Variants in PDGFB observed in about 807,000 individuals in gnomAD.
The protein encoded by PDGFB is platelet derived growth factor subunit B, also known as platelet-derived growth factor subunit B.
In PDGFB, 6 loss-of-function variants were observed where a neutral mutation model predicts 29.0. That is an observed-to-expected ratio of 0.21 (90% CI 0.11 to 0.41). PDGFB has a LOEUF of 0.41. Ranked by LOEUF, PDGFB falls within the 10% of genes least tolerant of loss-of-function variation. The pLI is 1.00. For synonymous variants in PDGFB, 144 were observed against 140.8 expected (o/e 1.02, Z -0.16); for missense variants, 299 against 341.8 (o/e 0.87, Z 0.99).
chr22:39,241,151 G>A (rs938411629), intron 1 of PDGFB: 7 of 539,818 alleles, frequency 1.3e-5, no homozygotes, highest in African/African-American at 9.4e-5. Context: ...GACGCGTCAC[G>A]TGACAGTGGG....
rs1932308702 is a variant in PDGFB at position 39,231,695 on chromosome 22, T to A, written c.383A>T (p.Gln128Leu). 1.3e-5 allele frequency: 21 copies of A among 1,605,610 alleles called. No homozygotes were observed. The highest frequency in any genetic ancestry group is 1.8e-5 in the Non-Finnish European group (21 of 1,176,738). ...GTTGTTGCAGCAGCCGGAGCAGCGC[T>A]GCACCTCCACACAGGGCGGCCACAC... ...FLVWPPCVEVQRCSGCCNNRN... is the reference protein window; with the variant it reads ...FLVWPPCVEVLRCSGCCNNRN... The change falls in exon 4 of 7, where the codon CAG becomes CTG. Residue 128 changes from glutamine (Q) to leucine (L), a missense_variant. By Grantham distance (113) the Gln-to-Leu change is moderately radical. Coordinates refer to ENST00000331163, the MANE Select transcript of PDGFB (RefSeq NM_002608.4). This position sits in a 1 kb window ranked among gnomAD's most constrained non-coding sequence, Gnocchi z 4.3.
At chr22:39,241,175 G>A (rs1357465755) in intron 1 of PDGFB, 1 of 507,824 alleles carries the variant, frequency 2.0e-6, no homozygotes, top group Non-Finnish European at 3.6e-6. Flanking sequence ...CGCCCTCCTG[G>A]AAGCCAGCTC....
In PDGFB at chr22:39,225,864, A is replaced by G; in HGVS notation, c.602-17T>C. The G allele has an allele frequency of 4.4e-6, 7 of 1,607,352 alleles. No homozygotes were observed. The highest frequency in any genetic ancestry group is 6.0e-6 in the Non-Finnish European group (7 of 1,175,062). ...GCGTTTTGGCTGCACAAGAAAAAGA[A>G]AGACCTCGTCAGCATGTGGACCATT... On this transcript the variant is annotated splice_polypyrimidine_tract_variant and intron_variant, in intron 5 of 6. Coordinates refer to ENST00000331163, the MANE Select transcript of PDGFB (RefSeq NM_002608.4).
chr22:39,243,847 G>GT lies in PDGFB; in HGVS notation c.63+53_63+54insA, dbSNP rs1341643832. On this transcript the variant is annotated intron_variant, in intron 1 of 6. Coordinates refer to ENST00000331163, the MANE Select transcript of PDGFB (RefSeq NM_002608.4). The surrounding 1 kb of genome is among the most constrained non-coding windows in gnomAD (Gnocchi z 6.4). Reference sequence around the variant, plus strand: ...AGGGAGAGGAGGGGGCGGTCAGAAGGGGGGGGCGAAGGTAATGAATGAAGA... The same window carrying GT: ...AGGGAGAGGAGGGGGCGGTCAGAAGGTGGGGGGCGAAGGTAATGAATGAAGA... 7.6e-6 allele frequency: 11 copies of GT among 1,445,284 alleles called. No homozygotes were observed. Among genetic ancestry groups the GT allele is most frequent in the African/African-American group, 1.4e-5 (1 of 70,464 alleles). 89.5% of individuals were successfully genotyped at this position (1,445,284 alleles called of 1,614,324 possible).
rs1932106513 is a variant in PDGFB, at chr22:39,224,036, G to C, written c.*1306C>G. The stretch of plus-strand genomic sequence containing the variant: ...GGGCAAGAGGGCTGCACCCTCCCTT[G>C]GAGACCTTCTCCCAGGTGTCCCACA... On this transcript the variant is annotated 3_prime_UTR_variant, in exon 7 of 7. Transcript: ENST00000331163. The C allele has an allele frequency of 6.6e-6, 1 of 152,322 alleles. No homozygotes were observed. The highest frequency in any genetic ancestry group is 2.4e-5 in the African/African-American group (1 of 41,464). 9.4% of individuals were successfully genotyped at this position (152,322 alleles called of 1,614,324 possible).
In PDGFB at chr22:39,243,995, G is replaced by A. The variant is rs1347908300; in HGVS notation, c.-32C>T. 1.7e-5 allele frequency: 26 copies of A among 1,542,558 alleles called. No individual in the cohort carries two copies. The highest frequency in any genetic ancestry group is 2.1e-5 in the Non-Finnish European group (24 of 1,138,804). The stretch of plus-strand genomic sequence containing the variant: ...TCCGGGCCCGGCCCCGCGGGGCCCC[G>A]GACGCGTAGATCGAGCGCGCCGCCC... On this transcript the variant is annotated 5_prime_UTR_variant, in exon 1 of 7. Transcript: ENST00000331163. The surrounding 1 kb of genome is among the most constrained non-coding windows in gnomAD (Gnocchi z 6.4).
chr22:39,230,782 G>A (rs1346413808), intron 4 of PDGFB, among the ~76,000 whole-genome samples: 2 of 152,244 alleles, frequency 1.3e-5, no homozygotes, highest in Non-Finnish European at 2.9e-5. Context: ...GCCACGGGCT[G>A]GTGGCAGGAG....
At chr22:39,239,447 G>A (rs953210840) in intron 1 of PDGFB, among the ~76,000 whole-genome samples, 1 of 152,192 alleles carries the variant, frequency 6.6e-6, no homozygotes, top group African/African-American at 2.4e-5. Flanking sequence ...TCAGCTCCAG[G>A]ATGCAATGCT....
At chr22:39,226,390 G>A (rs946612773) in intron 5 of PDGFB, among the ~76,000 whole-genome samples, 3 of 152,132 alleles carry the variant, frequency 2.0e-5, no homozygotes, top group African/African-American at 7.2e-5. Flanking sequence ...CTACCTTGCT[G>A]GAGAGGCCAC....
At chr22:39,234,581 G>T (rs1279208949) in intron 2 of PDGFB, among the ~76,000 whole-genome samples, 1 of 152,242 alleles carries the variant, frequency 6.6e-6, no homozygotes, top group East Asian at 1.9e-4. Flanking sequence ...GGAGTCTGAT[G>T]ACTAGTCCGC....
chr22:39,241,668 G>A (rs1053281851), intron 1 of PDGFB, among the ~76,000 whole-genome samples: 5 of 152,236 alleles, frequency 3.3e-5, no homozygotes, highest in Admixed American at 3.3e-4. Context: ...GGCCTCCCCG[G>A]GGCACGCTGG....
intron 5 of PDGFB, among the ~76,000 whole-genome samples, chr22:39,228,893 A>AAAAAAAAAAAT (rs1184799325): frequency 8.8e-4 from 117 of 132,610 alleles, no homozygotes; most frequent in African/African-American, 1.5e-3. Flanking sequence ...CCTCAAAAAA[A>AAAAAAAAAAAT]ATATATATAT....
rs1932645632 is a variant in PDGFB, at chr22:39,244,451, C to G, written c.-488G>C. The G allele has an allele frequency of 5.5e-6, 1 of 182,340 alleles. No individual in the cohort carries two copies. Among genetic ancestry groups the G allele is most frequent in the Non-Finnish European group, 1.2e-5 (1 of 85,210 alleles). The allele number at this position is 182,340 out of a possible 1,614,324, so 11.3% of individuals were successfully genotyped here. On this transcript the variant is annotated 5_prime_UTR_variant, in exon 1 of 7. Coordinates refer to ENST00000331163, the MANE Select transcript of PDGFB (RefSeq NM_002608.4). The surrounding 1 kb of genome is among the most constrained non-coding windows in gnomAD (Gnocchi z 4.5). ...TCGGAAAGCGCGGAGCTGGGCACCT[C>G]AAGGCCCAAGTCTCCCCCAAAAAAC...
rs375629243 is a variant in PDGFB, at chr22:39,232,499, CT to C, written c.251-673del. On this transcript the variant is annotated intron_variant, in intron 3 of 6. Transcript: ENST00000331163. ...GGAACTCAGGCCACCTGACTTTTTT[CT>C]TTTTTTTTGAGACGGAGTCTTGCTC... 4.4e-3 allele frequency among the ~76,000 whole-genome samples: 658 copies of C among 150,914 alleles called. 4 individuals carry two copies. The highest frequency in any genetic ancestry group is 0.015 in the African/African-American group (635 of 41,110).
Position 39,244,036 on chromosome 22 carries a change from GGGGCTGGGGAGGGGGGT to G in PDGFB, c.-90_-74del. The stretch of plus-strand genomic sequence containing the variant: ...CGCGCCGCCCCCGCGGCCAGGGTGG[GGGGCTGGGGAGGGGGGT>G]GGGCTCGGCTCGGGTCCGCGGCGAT... On this transcript the variant is annotated 5_prime_UTR_variant, in exon 1 of 7. Transcript: ENST00000331163. This position sits in a 1 kb window ranked among gnomAD's most constrained non-coding sequence, Gnocchi z 4.5. The G allele has an allele frequency of 1.1e-6, 1 of 930,954 alleles. No homozygotes were observed. The highest frequency in any genetic ancestry group is 1.6e-6 in the Non-Finnish European group (1 of 628,744). 57.7% of individuals were successfully genotyped at this position (930,954 alleles called of 1,614,324 possible).
chr22:39,235,806 G>A lies in PDGFB; in HGVS notation c.132C>T (p.Leu44=). 2 of 1,613,936 alleles carry A rather than the reference G, an allele frequency of 1.2e-6. No individual in the cohort carries two copies. Among genetic ancestry groups the A allele is most frequent in the Non-Finnish European group, 1.7e-6 (2 of 1,179,860 alleles). ...SDHSIRSFDD[L]QRLLHGDPGE... ...CGGGGTCTCCGTGCAGCAGGCGTTGGAGATCATCAAAGGAGCGGATCGAGT... is the reference window on the plus strand; with the variant it reads ...CGGGGTCTCCGTGCAGCAGGCGTTGAAGATCATCAAAGGAGCGGATCGAGT... The change falls in exon 2 of 7, where the codon CTC becomes CTT. Residue 44 remains leucine, a synonymous_variant. Coordinates refer to ENST00000331163, the MANE Select transcript of PDGFB (RefSeq NM_002608.4).
chr22:39,235,751 G>A (rs765391992), intron 2 of PDGFB, 27 bp downstream of exon 2: 27 of 1,544,422 alleles, frequency 1.7e-5, no homozygotes, highest in South Asian at 1.7e-4. Flanking sequence ...TCGGAGGGCC[G>A]GAGCGCGGGG....
intron 1 of PDGFB, among the ~76,000 whole-genome samples, chr22:39,238,951 T>C (rs1932507010): frequency 6.6e-6 from 1 of 152,138 alleles, no homozygotes. Flanking sequence ...ACATCAGGAG[T>C]GCAGAGGCTG....
chr22:39,238,108 G>C (rs886081328), intron 1 of PDGFB, among the ~76,000 whole-genome samples: 3 of 152,192 alleles, frequency 2.0e-5, no homozygotes, highest in Non-Finnish European at 4.4e-5. Flanking sequence ...TGAACAGGCC[G>C]AGTGGACACC....
Sources: gnomAD v4.1 joint callset for allele counts (sites outside exome capture counted in the v4.1 genomes callset) on GRCh38, gnomAD v4.1.1 for gene constraint, Gnocchi (gnomAD v3.1) non-coding constraint, MANE v1.5 for transcripts, NCBI Gene and HGNC (gene_info 2026-07-23, HGNC 2026-07-21) for gene names.